Variants in GPC6 observed in about 807,000 individuals in gnomAD.
GPC6 encodes glypican-6.
In GPC6, 14 loss-of-function variants were observed where a neutral mutation model predicts 55.2. That is an observed-to-expected ratio of 0.25 (90% CI 0.17 to 0.40). GPC6 has a LOEUF of 0.40. GPC6 is among the 10% of genes least tolerant of loss of function. The probability of loss-of-function intolerance (pLI) is 1.00; values close to 1 mark genes in which losing one functional copy is unlikely to be tolerated. For synonymous variants in GPC6, 278 were observed against 259.6 expected (o/e 1.07, Z -0.68); for missense variants, 641 against 708.5 (o/e 0.90, Z 1.08).
At chr13:94,337,543 G>A (rs1266151380) in intron 6 of GPC6, among the ~76,000 whole-genome samples, 3 of 151,802 alleles carry the variant, frequency 2.0e-5, no homozygotes, top group Admixed American at 6.6e-5. Context: ...CACCTCCTGG[G>A]TTCAAGCGAT....
At chr13:93,391,321 T>C (rs909408581) in intron 1 of GPC6, among the ~76,000 whole-genome samples, 5 of 152,118 alleles carry the variant, frequency 3.3e-5, no homozygotes, top group African/African-American at 1.2e-4. Flanking sequence ...AGTAGAGAGA[T>C]TTTAAATGAT....
At chr13:93,335,503 G>A (rs1880013966) in intron 1 of GPC6, among the ~76,000 whole-genome samples, 1 of 152,150 alleles carries the variant, frequency 6.6e-6, no homozygotes, top group Non-Finnish European at 1.5e-5. Context: ...TAATAGAGAC[G>A]AGCTTCAAAT....
At chr13:93,843,195 G>C (rs150463092) in intron 3 of GPC6, among the ~76,000 whole-genome samples, 1 of 151,176 alleles carries the variant, frequency 6.6e-6, no homozygotes, top group Non-Finnish European at 1.5e-5. Flanking sequence ...TCCCTAAACA[G>C]CCTTACCTAG....
chr13:93,799,160 T>C (rs1395952499), intron 2 of GPC6, among the ~76,000 whole-genome samples: 1 of 152,136 alleles, frequency 6.6e-6, no homozygotes, highest in East Asian at 1.9e-4. Context: ...CTGTCTCTGG[T>C]AATCTAGACA....
chr13:94,141,665 T>G (rs947702588), intron 4 of GPC6, among the ~76,000 whole-genome samples: 4 of 152,164 alleles, frequency 2.6e-5, no homozygotes, highest in African/African-American at 9.7e-5. Flanking sequence ...AATATCTAGT[T>G]AATAATTGAA....
At chr13:93,668,588 A>G (rs1881235189) in intron 2 of GPC6, among the ~76,000 whole-genome samples, 1 of 152,174 alleles carries the variant, frequency 6.6e-6, no homozygotes, top group Non-Finnish European at 1.5e-5. Context: ...TAAGAGACAG[A>G]AGAAGAGAAG....
intron 6 of GPC6, among the ~76,000 whole-genome samples, chr13:94,364,419 G>A (rs536008057): frequency 2.0e-5 from 3 of 152,250 alleles, no homozygotes; most frequent in Admixed American, 2.0e-4. Context: ...CCTCACCGGG[G>A]TAAGAACTTG....
intron 4 of GPC6, among the ~76,000 whole-genome samples, chr13:94,212,533 C>T (rs902821821): frequency 1.3e-5 from 2 of 152,178 alleles, no homozygotes; most frequent in South Asian, 2.1e-4. Context: ...GGGCATGTAA[C>T]ATTTAAAATT....
rs1181962778 is a variant in GPC6 at position 93,227,338 on chromosome 13, G to A, written c.-119G>A. On this transcript the variant is annotated 5_prime_UTR_variant, in exon 1 of 9. Coordinates refer to ENST00000377047, the MANE Select transcript of GPC6 (RefSeq NM_005708.5). The surrounding 1 kb of genome is among the most constrained non-coding windows in gnomAD (Gnocchi z 4.3). The stretch of plus-strand genomic sequence containing the variant: ...CTCGTCCCCTCGGCTGGCAGAAGGG[G>A]GTGACGCTGGGCAGCGGCGAGGAGC... 2 of 960,946 alleles carry A rather than the reference G, an allele frequency of 2.1e-6. No homozygotes were observed. The highest frequency in any genetic ancestry group is 3.2e-6 in the Non-Finnish European group (2 of 629,776). 59.5% of individuals were successfully genotyped at this position (960,946 alleles called of 1,614,324 possible). A position where few individuals can be genotyped will look rare whatever the true frequency, so the allele number is the denominator to read the frequency against.
intron 4 of GPC6, among the ~76,000 whole-genome samples, chr13:94,164,478 G>A (rs1304868455): frequency 6.6e-6 from 1 of 152,158 alleles, no homozygotes; most frequent in Non-Finnish European, 1.5e-5. Context: ...TCTAGAGAAA[G>A]CAAAATACTG....
At chr13:93,489,310 G>C (rs1259142166) in intron 1 of GPC6, among the ~76,000 whole-genome samples, 1 of 151,356 alleles carries the variant, frequency 6.6e-6, no homozygotes, top group Non-Finnish European at 1.5e-5. Context: ...TGAGGGCTCT[G>C]TTCTGTTCCA....
chr13:94,031,784 G>T (rs1190315394), intron 4 of GPC6, among the ~76,000 whole-genome samples: 1 of 152,204 alleles, frequency 6.6e-6, no homozygotes, highest in Non-Finnish European at 1.5e-5. Context: ...GTTTGGCATT[G>T]TTATCAACGC....
intron 4 of GPC6, among the ~76,000 whole-genome samples, chr13:94,211,393 A>G (rs943640416): frequency 6.6e-6 from 1 of 152,232 alleles, no homozygotes; most frequent in Non-Finnish European, 1.5e-5. Context: ...ATCCAAAAAT[A>G]CTATGTCAGT....
intron 1 of GPC6, among the ~76,000 whole-genome samples, chr13:93,331,929 A>T (rs982386418): frequency 2.0e-5 from 3 of 152,040 alleles, no homozygotes; most frequent in Non-Finnish European, 4.4e-5. Flanking sequence ...ATCCATTTTT[A>T]TAGCTCCCAT....
intron 1 of GPC6, among the ~76,000 whole-genome samples, chr13:93,331,639 T>C (rs926250808): frequency 6.6e-6 from 1 of 152,168 alleles, no homozygotes; most frequent in African/African-American, 2.4e-5. Flanking sequence ...CATCTTTTTT[T>C]TTCTGTCATT....
At chr13:93,461,660 CG>C (rs1878694984) in intron 1 of GPC6, among the ~76,000 whole-genome samples, 1 of 73,194 alleles carries the variant, frequency 1.4e-5, no homozygotes, top group African/African-American at 5.9e-5. Flanking sequence ...TACTAGGTCC[CG>C]GCGGGGGGGT....
chr13:93,969,180 A>T (rs1411085201), intron 3 of GPC6, among the ~76,000 whole-genome samples: 1 of 152,194 alleles, frequency 6.6e-6, no homozygotes, highest in African/African-American at 2.4e-5. Flanking sequence ...ATGGCAGCTT[A>T]GTAGTTTAAA....
chr13:93,830,710 C>A, intron 3 of GPC6, 165 bp downstream of exon 3: 1 of 648,206 alleles, frequency 1.5e-6, no homozygotes, highest in African/African-American at 1.9e-5. Context: ...TTCTGGCTTT[C>A]TTTTCCTTGC....
At chr13:93,717,536 C>T (rs534751664) in intron 2 of GPC6, among the ~76,000 whole-genome samples, 3 of 151,642 alleles carry the variant, frequency 2.0e-5, no homozygotes, top group South Asian at 4.2e-4. Flanking sequence ...TAAATATATG[C>T]CTAATAATTC....
Sources: gnomAD v4.1 joint callset for allele counts (sites outside exome capture counted in the v4.1 genomes callset) on GRCh38, gnomAD v4.1.1 for gene constraint, Gnocchi (gnomAD v3.1) non-coding constraint, MANE v1.5 for transcripts, NCBI Gene and HGNC (gene_info 2026-07-23, HGNC 2026-07-21) for gene names.